ANKRD44: variants seen among roughly 807,000 people sequenced by gnomAD.
The protein encoded by ANKRD44 is serine/threonine-protein phosphatase 6 regulatory ankyrin repeat subunit B.
A neutral mutation model predicts 116.0 loss-of-function variants in ANKRD44; 35 were observed. That is an observed-to-expected ratio of 0.30 (90% CI 0.23 to 0.40). ANKRD44 has a LOEUF of 0.40. Among genes scored for constraint, ANKRD44 ranks in the 10% least tolerant of loss-of-function variants. The probability of loss-of-function intolerance (pLI) is 1.00; values close to 1 mark genes in which losing one functional copy is unlikely to be tolerated. For missense variants in ANKRD44, 1,014 were observed against 1,242.6 expected (o/e 0.82, Z 2.77); for synonymous variants, 435 against 461.8 (o/e 0.94, Z 0.74).
chr2:197,225,495 C>T (rs889085727), intron 1 of ANKRD44, among the ~76,000 whole-genome samples: 1 of 152,092 alleles, frequency 6.6e-6, no homozygotes, highest in Non-Finnish European at 1.5e-5. Flanking sequence ...AGGTTCCAAC[C>T]ACCACACCCA....
At chr2:197,111,643 A>AG (rs1335403199) in intron 8 of ANKRD44, among the ~76,000 whole-genome samples, 1 of 151,600 alleles carries the variant, frequency 6.6e-6, no homozygotes, top group East Asian at 1.9e-4. Flanking sequence ...TGTCTCAAAA[A>AG]AAAAAAAGAA....
At chr2:197,189,198 CA>C (rs1275983514) in intron 1 of ANKRD44, among the ~76,000 whole-genome samples, 1 of 152,150 alleles carries the variant, frequency 6.6e-6, no homozygotes, top group Non-Finnish European at 1.5e-5. Context: ...GTAAAAATGT[CA>C]AGGTGCAGAA....
At chr2:197,020,773 T>A (rs1366701937) in intron 17 of ANKRD44, among the ~76,000 whole-genome samples, 1 of 151,632 alleles carries the variant, frequency 6.6e-6, no homozygotes, top group Non-Finnish European at 1.5e-5. Context: ...AACAATTATT[T>A]CTTTTTTTTT....
At chr2:197,134,587 A>G (rs1168957547) in intron 4 of ANKRD44, 1 of 152,214 alleles carries the variant, frequency 6.6e-6, no homozygotes, top group Non-Finnish European at 1.5e-5. Context: ...GAGCTAACAA[A>G]GATAGAGATC....
At chr2:197,113,651 T>C (rs1029661108) in intron 8 of ANKRD44, among the ~76,000 whole-genome samples, 1 of 152,216 alleles carries the variant, frequency 6.6e-6, no homozygotes, top group Non-Finnish European at 1.5e-5. Flanking sequence ...ATCTCTGAAG[T>C]GTGTGGTGGG....
At chr2:197,238,478 G>A (rs781545856) in intron 1 of ANKRD44, among the ~76,000 whole-genome samples, 4 of 152,144 alleles carry the variant, frequency 2.6e-5, no homozygotes, top group Non-Finnish European at 5.9e-5. Flanking sequence ...ATCTTGATCT[G>A]TGCTATGATG....
intron 2 of ANKRD44, among the ~76,000 whole-genome samples, chr2:197,153,977 C>CGT (rs2079733213): frequency 2.0e-5 from 3 of 152,164 alleles, no homozygotes; most frequent in African/African-American, 7.2e-5. Flanking sequence ...TCTGTCTGTG[C>CGT]ATACATGTGA....
At chr2:197,060,981 G>A (rs898881491) in intron 16 of ANKRD44, among the ~76,000 whole-genome samples, 5 of 152,198 alleles carry the variant, frequency 3.3e-5, no homozygotes, top group Admixed American at 6.5e-5. Flanking sequence ...TAGTGCTGCA[G>A]TGAACATGAG....
intron 21 of ANKRD44, among the ~76,000 whole-genome samples, chr2:196,979,952 T>C (rs937802001): frequency 6.6e-6 from 1 of 152,150 alleles, no homozygotes; most frequent in Admixed American, 6.5e-5. Flanking sequence ...CTCCACACCA[T>C]CCAGGACACT....
At chr2:197,236,061 G>A (rs2081971033) in intron 1 of ANKRD44, among the ~76,000 whole-genome samples, 1 of 152,126 alleles carries the variant, frequency 6.6e-6, no homozygotes. Flanking sequence ...AGGAAATCGT[G>A]CTCCAAGAGA....
chr2:197,290,675 T>A (rs899933334), intron 1 of ANKRD44, among the ~76,000 whole-genome samples: 1 of 152,250 alleles, frequency 6.6e-6, no homozygotes, highest in Non-Finnish European at 1.5e-5. Flanking sequence ...TCAAATTTTA[T>A]ATTTGTTTTG....
chr2:197,305,968 T>TATATATAC (rs1559237345), intron 1 of ANKRD44, among the ~76,000 whole-genome samples: 1 of 34,322 alleles, frequency 2.9e-5, no homozygotes, highest in Non-Finnish European at 7.5e-5. Context: ...CAGTTCGTTT[T>TATATATAC]ATATATATAT....
At chr2:197,278,387 T>C (rs1418539841) in intron 1 of ANKRD44, among the ~76,000 whole-genome samples, 3 of 152,130 alleles carry the variant, frequency 2.0e-5, no homozygotes, top group South Asian at 2.1e-4. Context: ...GACAGAGTCT[T>C]GCTCTGTCGC....
chr2:197,183,676 G>A (rs905848756), intron 2 of ANKRD44, among the ~76,000 whole-genome samples: 21 of 92,080 alleles, frequency 2.3e-4, no homozygotes, highest in Non-Finnish European at 5.2e-4. Flanking sequence ...GGGAGTTAAA[G>A]GGAGAGTCTA....
At chr2:197,246,858 A>G (rs1688138148) in intron 1 of ANKRD44, among the ~76,000 whole-genome samples, 1 of 152,220 alleles carries the variant, frequency 6.6e-6, no homozygotes, top group South Asian at 2.1e-4. Flanking sequence ...AACTTATCCA[A>G]GATGACACAG....
rs1156240502 is a variant in ANKRD44, at chr2:197,310,740, C to T, written c.-136G>A. On this transcript the variant is annotated 5_prime_UTR_variant, in exon 1 of 28. Transcript: ENST00000282272. ...CGAATTTGACAGCCCTCCCCCTGCT[C>T]CTCCTCCGCCGCCGCCTCCTCCCGC... 9.1e-6 allele frequency: 8 copies of T among 881,456 alleles called. No individual in the cohort carries two copies. The highest frequency in any genetic ancestry group is 2.8e-4 in the Middle Eastern group (1 of 3,584). The allele number at this position is 881,456 out of a possible 1,614,324, so 54.6% of individuals were successfully genotyped here.
At chr2:197,064,035 T>G (rs922659818) in intron 16 of ANKRD44, among the ~76,000 whole-genome samples, 1 of 152,274 alleles carries the variant, frequency 6.6e-6, no homozygotes, top group Non-Finnish European at 1.5e-5. Flanking sequence ...GAAAAAATGT[T>G]AAGGGCAGTC....
At chr2:197,044,948 G>A (rs1035073602) in intron 16 of ANKRD44, among the ~76,000 whole-genome samples, 1 of 152,156 alleles carries the variant, frequency 6.6e-6, no homozygotes, top group Non-Finnish European at 1.5e-5. Flanking sequence ...TGTGCTCAGA[G>A]AGGGTGCTGA....
At chr2:197,026,352 C>T (rs920910379) in intron 16 of ANKRD44, among the ~76,000 whole-genome samples, 3 of 152,090 alleles carry the variant, frequency 2.0e-5, no homozygotes, top group African/African-American at 7.2e-5. Flanking sequence ...TCAAAGAACT[C>T]GAGGGGAGAT....
Sources: allele counts gnomAD v4.1 joint callset (sites outside exome capture counted in the v4.1 genomes callset), GRCh38; gene constraint gnomAD v4.1.1; transcripts MANE v1.5; gene names NCBI Gene and HGNC (gene_info 2026-07-23, HGNC 2026-07-21).